The following RPRD1B variants were observed in gnomAD, a reference collection of about 807,000 sequenced individuals.
RPRD1B encodes regulation of nuclear pre-mRNA domain containing 1B.
In RPRD1B, 11 loss-of-function variants were observed where a neutral mutation model predicts 41.5. The ratio of observed to expected loss-of-function variants is 0.27; its 90% CI spans 0.17 to 0.44. The LOEUF (loss-of-function observed/expected upper bound fraction) is 0.44. RPRD1B is among the 20% of genes least tolerant of loss of function. The probability of loss-of-function intolerance (pLI) is 1.00; values close to 1 mark genes in which losing one functional copy is unlikely to be tolerated. For synonymous variants in RPRD1B, 158 were observed against 155.6 expected, an observed-to-expected ratio of 1.02 and a Z score of -0.12; for missense variants, 248 against 389.9, an observed-to-expected ratio of 0.64 and a Z score of 3.06.
At chr20:38,065,696 A>G (rs1302670517) in intron 5 of RPRD1B, among the ~76,000 whole-genome samples, 1 of 152,202 alleles carries the variant, frequency 6.6e-6, no homozygotes, top group Non-Finnish European at 1.5e-5. Context: ...GAACCCACAG[A>G]TATAGGGGCC....
chr20:38,048,524 A>G (rs1176868285), intron 3 of RPRD1B, 43 bp downstream of exon 3: 6 of 1,550,444 alleles, frequency 3.9e-6, no homozygotes, highest in South Asian at 1.2e-5. Context: ...GTCTTTGCCT[A>G]CTTTCGAATC....
intron 4 of RPRD1B, among the ~76,000 whole-genome samples, chr20:38,058,360 TGTTGA>T (rs1364587336): frequency 6.6e-6 from 1 of 152,286 alleles, no homozygotes; most frequent in East Asian, 1.9e-4. Flanking sequence ...TATGTTACGG[TGTTGA>T]GTTAGACTAG....
At chr20:38,041,836 T>G (rs1478849054) in intron 2 of RPRD1B, among the ~76,000 whole-genome samples, 1 of 152,186 alleles carries the variant, frequency 6.6e-6, no homozygotes, top group Non-Finnish European at 1.5e-5. Flanking sequence ...TAAAAGTATG[T>G]AGTACAATGC....
chr20:38,075,368 T>A lies in RPRD1B; in HGVS notation c.831+9112T>A, dbSNP rs139307774. Among the ~76,000 whole-genome samples the A allele has an allele frequency of 3.1e-3, 469 of 152,360 alleles. 1 individual carries two copies. Among genetic ancestry groups the A allele is most frequent in the African/African-American group, 0.011 (451 of 41,580 alleles). On this transcript the variant is annotated intron_variant, in intron 6 of 6. Transcript: ENST00000373433. Reference sequence around the variant, plus strand: ...AATAGTTTAATTAGACTAATGGAGCTCTCTTCTGGCTTTTAAATGATCTTG... The same window carrying A: ...AATAGTTTAATTAGACTAATGGAGCACTCTTCTGGCTTTTAAATGATCTTG...
chr20:38,057,743 A>G, intron 4 of RPRD1B, 99 bp downstream of exon 4: 1 of 830,294 alleles, frequency 1.2e-6, no homozygotes, highest in Non-Finnish European at 2.0e-6. Flanking sequence ...CTGGTATGGA[A>G]TCATCAGAGG....
At chr20:38,063,195 C>T (rs1459716367) in intron 5 of RPRD1B, among the ~76,000 whole-genome samples, 1 of 152,076 alleles carries the variant, frequency 6.6e-6, no homozygotes, top group Non-Finnish European at 1.5e-5. Flanking sequence ...CCTTTGTTTA[C>T]GTATCACCTT....
chr20:38,071,544 T>C (rs1426123134), intron 6 of RPRD1B, among the ~76,000 whole-genome samples: 1 of 152,220 alleles, frequency 6.6e-6, no homozygotes, highest in Non-Finnish European at 1.5e-5. Flanking sequence ...TTCTCTTGGT[T>C]ATGTATAAAT....
rs75521823 is a variant in RPRD1B, at chr20:38,073,409, A to G, written c.831+7153A>G. 8.5e-3 allele frequency among the ~76,000 whole-genome samples: 1,296 copies of G among 152,302 alleles called. 21 individuals are homozygous for G. Among genetic ancestry groups the G allele is most frequent in the African/African-American group, 0.028 (1,158 of 41,570 alleles). On this transcript the variant is annotated intron_variant, in intron 6 of 6. Transcript: ENST00000373433. ...TTGGCTGTAATGACTACTCAGGAGT[A>G]GAGCCTCTGACTTCAGACAACACAG...
intron 6 of RPRD1B, among the ~76,000 whole-genome samples, chr20:38,086,038 T>C (rs1169251961): frequency 6.6e-6 from 1 of 152,090 alleles, no homozygotes; most frequent in Non-Finnish European, 1.5e-5. Flanking sequence ...GGTTTTGCCA[T>C]GTTCGGGCAC....
intron 6 of RPRD1B, among the ~76,000 whole-genome samples, chr20:38,088,408 G>A (rs1009306020): frequency 4.6e-5 from 7 of 152,174 alleles, no homozygotes; most frequent in East Asian, 3.8e-4. Flanking sequence ...ACACATCCAC[G>A]GTCACACAGC....
chr20:38,063,781 G>A (rs1159248212), intron 5 of RPRD1B, among the ~76,000 whole-genome samples: 2 of 152,318 alleles, frequency 1.3e-5, no homozygotes, highest in East Asian at 3.9e-4. Context: ...CCTCTGATGG[G>A]TGAAGGAGAG....
intron 6 of RPRD1B, chr20:38,070,259 C>G: frequency 1.0e-6 from 1 of 985,098 alleles, no homozygotes; most frequent in Non-Finnish European, 1.2e-6. Flanking sequence ...TGATGTTGGC[C>G]CTTAAACACC....
chr20:38,062,494 A>G (rs1248530109), intron 5 of RPRD1B, among the ~76,000 whole-genome samples: 1 of 152,046 alleles, frequency 6.6e-6, no homozygotes, highest in Non-Finnish European at 1.5e-5. Flanking sequence ...CCCACACTGA[A>G]CTTCTGACCT....
intron 3 of RPRD1B, among the ~76,000 whole-genome samples, chr20:38,052,199 A>G (rs181035919): frequency 4.9e-4 from 75 of 152,362 alleles, no homozygotes; most frequent in African/African-American, 1.6e-3. Flanking sequence ...GTAAGATATT[A>G]TCAGTGGGGC....
intron 6 of RPRD1B, among the ~76,000 whole-genome samples, chr20:38,083,045 T>C (rs6022887): frequency 0.58 from 88,962 of 152,122 alleles, 28,626 homozygotes; most frequent in African/African-American, 0.87. Flanking sequence ...ATGCTTGACT[T>C]TACCAGTATT....
intron 1 of RPRD1B, 21 bp from the exon 2 acceptor site, chr20:38,040,414 C>A (rs1227460024): frequency 1.9e-6 from 3 of 1,561,878 alleles, no homozygotes; most frequent in Non-Finnish European, 1.7e-6. Flanking sequence ...AAGTTAAATT[C>A]TTTTCTTTTC....
chr20:38,044,875 A>C (rs2074105744), intron 2 of RPRD1B, among the ~76,000 whole-genome samples: 1 of 152,014 alleles, frequency 6.6e-6, no homozygotes, highest in African/African-American at 2.4e-5. Context: ...GGGAATACTT[A>C]GAATTCCTGC....
intron 6 of RPRD1B, among the ~76,000 whole-genome samples, chr20:38,078,900 A>G (rs2074488938): frequency 6.6e-6 from 1 of 152,244 alleles, no homozygotes; most frequent in South Asian, 2.1e-4. Context: ...AGCTTCTAGT[A>G]AATGTGCTAA....
At chr20:38,081,257 A>G (rs1406263344) in intron 6 of RPRD1B, among the ~76,000 whole-genome samples, 2 of 143,518 alleles carry the variant, frequency 1.4e-5, no homozygotes, top group African/African-American at 5.4e-5. Flanking sequence ...GTGTTTTGTA[A>G]TTCTTGTTGT....
Sources: allele counts gnomAD v4.1 joint callset (sites outside exome capture counted in the v4.1 genomes callset), GRCh38; gene constraint gnomAD v4.1.1; transcripts MANE v1.5; gene names NCBI Gene and HGNC (gene_info 2026-07-23, HGNC 2026-07-21).